SH3PXD2A: variants seen among roughly 807,000 people sequenced by gnomAD.
The protein encoded by SH3PXD2A is SH3 and PX domains 2A.
In SH3PXD2A, 32 loss-of-function variants were observed where a neutral mutation model predicts 115.2. That is an observed-to-expected ratio of 0.28 (90% confidence interval 0.21 to 0.37). The LOEUF (loss-of-function observed/expected upper bound fraction) is 0.37, where lower values mean the gene tolerates loss of function less well. Among genes scored for constraint, SH3PXD2A ranks in the 10% least tolerant of loss-of-function variants. SH3PXD2A has a pLI of 1.00. For missense variants in SH3PXD2A, 1,328 were observed against 1,498.7 expected (o/e 0.89, Z 1.88); for synonymous variants, 610 against 629.1 (o/e 0.97, Z 0.45).
chr10:103,661,828 G>A (rs1208666322), intron 7 of SH3PXD2A: 3 of 985,046 alleles, frequency 3.0e-6, no homozygotes, highest in Non-Finnish European at 3.6e-6. Flanking sequence ...TGGAGGCAGG[G>A]GAGGGGGAGG....
intron 8 of SH3PXD2A, among the ~76,000 whole-genome samples, chr10:103,634,381 G>A (rs766612710): frequency 3.5e-4 from 53 of 152,232 alleles, no homozygotes; most frequent in Non-Finnish European, 6.8e-4. Context: ...TGAGCAGGGC[G>A]GTCTGTGTTA....
intron 9 of SH3PXD2A, 87 bp from the exon 10 acceptor site, chr10:103,622,640 A>C (rs2036624941): frequency 6.0e-6 from 3 of 499,552 alleles, no homozygotes; most frequent in Non-Finnish European, 1.2e-5. Flanking sequence ...TGGGGGTGGG[A>C]GGAAGGGGCA....
At chr10:103,771,070 G>A (rs1377623500) in intron 2 of SH3PXD2A, among the ~76,000 whole-genome samples, 2 of 151,938 alleles carry the variant, frequency 1.3e-5, no homozygotes, top group Non-Finnish European at 2.9e-5. Context: ...AGAGATGTCT[G>A]AGGAGAGAGG....
intron 1 of SH3PXD2A, among the ~76,000 whole-genome samples, chr10:103,818,510 G>T (rs927407861): frequency 6.6e-6 from 1 of 152,158 alleles, no homozygotes; most frequent in East Asian, 1.9e-4. Context: ...GAATTGGAAA[G>T]AACTGATTCC....
intron 3 of SH3PXD2A, among the ~76,000 whole-genome samples, chr10:103,738,244 G>A (rs929121045): frequency 1.3e-5 from 2 of 152,232 alleles, no homozygotes; most frequent in Non-Finnish European, 2.9e-5. Context: ...CACTGGCGAC[G>A]CCGCTGTTCC....
chr10:103,841,397 C>A (rs2039596759), intron 1 of SH3PXD2A, among the ~76,000 whole-genome samples: 1 of 152,120 alleles, frequency 6.6e-6, no homozygotes, highest in Admixed American at 6.5e-5. Context: ...GTGTACCCTG[C>A]CTTTGGGGCC....
rs2037372603 is a variant in SH3PXD2A at position 103,665,504 on chromosome 10, T to G, written c.472+3104A>C. ...GGCTATGGCCTCTCTCAGGAGCTGC[T>G]CCAAAGGCTGTGGGATGGACACACG... On this transcript the variant is annotated intron_variant, in intron 7 of 14. Transcript: ENST00000369774. The surrounding 1 kb of genome is among the most constrained non-coding windows in gnomAD (Gnocchi z 4.0). 1.3e-5 allele frequency among the ~76,000 whole-genome samples: 2 copies of G among 152,202 alleles called. No individual in the cohort carries two copies. Among genetic ancestry groups the G allele is most frequent in the Admixed American group, 6.5e-5 (1 of 15,284 alleles).
At chr10:103,801,712 GT>G (rs2039149720) in intron 1 of SH3PXD2A, among the ~76,000 whole-genome samples, 1 of 152,130 alleles carries the variant, frequency 6.6e-6, no homozygotes, top group African/African-American at 2.4e-5. Flanking sequence ...ATTTTTGTTT[GT>G]TTGTTTTTGA....
intron 4 of SH3PXD2A, among the ~76,000 whole-genome samples, chr10:103,733,833 G>A (rs949090851): frequency 2.0e-5 from 3 of 152,020 alleles, no homozygotes; most frequent in East Asian, 1.9e-4. Context: ...GTGCTGTGGC[G>A]TGATCATAGC....
At chr10:103,706,306 C>T (rs565748434) in intron 5 of SH3PXD2A, among the ~76,000 whole-genome samples, 1 of 152,308 alleles carries the variant, frequency 6.6e-6, no homozygotes, top group African/African-American at 2.4e-5. Flanking sequence ...AGTGGCTGGA[C>T]TGGAGGAGCC....
At chr10:103,821,675 C>T (rs2039381807) in intron 1 of SH3PXD2A, among the ~76,000 whole-genome samples, 2 of 152,004 alleles carry the variant, frequency 1.3e-5, no homozygotes, top group African/African-American at 2.4e-5. Flanking sequence ...GCCTCAGCTC[C>T]CCTGCCCCCC....
At chr10:103,631,794 T>G (rs1442788193) in intron 8 of SH3PXD2A, among the ~76,000 whole-genome samples, 2 of 152,100 alleles carry the variant, frequency 1.3e-5, no homozygotes. Context: ...AAGCTGAGGC[T>G]CTCACATGGC....
At chr10:103,782,854 A>G (rs1296443244) in intron 2 of SH3PXD2A, among the ~76,000 whole-genome samples, 1 of 151,012 alleles carries the variant, frequency 6.6e-6, no homozygotes, top group Non-Finnish European at 1.5e-5. Context: ...AAAAAAGATA[A>G]TAACAGGTTG....
intron 4 of SH3PXD2A, among the ~76,000 whole-genome samples, chr10:103,734,157 C>G (rs373832154): frequency 6.6e-6 from 1 of 152,140 alleles, no homozygotes; most frequent in African/African-American, 2.4e-5. Context: ...AAGTGGGCAC[C>G]GGGATTCGAC....
Position 103,666,326 on chromosome 10 carries a change from C to G in SH3PXD2A, c.472+2282G>C, listed in dbSNP as rs1274610623. 1.3e-5 allele frequency among the ~76,000 whole-genome samples: 2 copies of G among 152,188 alleles called. No homozygotes were observed. The highest frequency in any genetic ancestry group is 4.1e-4 in the South Asian group (2 of 4,826). ...CAAGTCTGTGCTCTAGCTGCTGCCCCCTGCTGGAATGCTTTCCCTTCTCTC... is the reference window on the plus strand; with the variant it reads ...CAAGTCTGTGCTCTAGCTGCTGCCCGCTGCTGGAATGCTTTCCCTTCTCTC... On this transcript the variant is annotated intron_variant, in intron 7 of 14. Transcript: ENST00000369774. The surrounding 1 kb of genome is among the most constrained non-coding windows in gnomAD (Gnocchi z 4.5).
chr10:103,702,002 C>G (rs2037918143), intron 5 of SH3PXD2A, among the ~76,000 whole-genome samples: 1 of 144,452 alleles, frequency 6.9e-6, no homozygotes, highest in Non-Finnish European at 1.5e-5. Flanking sequence ...ATCCATCCAT[C>G]CATCTATCCA....
At chr10:103,753,317 CAAAA>C (rs60364879) in intron 3 of SH3PXD2A, among the ~76,000 whole-genome samples, 1 of 62,856 alleles carries the variant, frequency 1.6e-5, no homozygotes, top group Non-Finnish European at 2.9e-5. Flanking sequence ...CTGCCTCTAC[CAAAA>C]AAAAAAAAAA....
At chr10:103,639,795 T>A (rs1226161890) in intron 8 of SH3PXD2A, among the ~76,000 whole-genome samples, 1 of 152,050 alleles carries the variant, frequency 6.6e-6, no homozygotes, top group African/African-American at 2.4e-5. Context: ...AACTCTAATG[T>A]CACAACTGTA....
At chr10:103,783,810 A>G (rs2038955261) in intron 2 of SH3PXD2A, among the ~76,000 whole-genome samples, 1 of 152,340 alleles carries the variant, frequency 6.6e-6, no homozygotes, top group East Asian at 1.9e-4. Context: ...AAAGAGAGGA[A>G]TCCCTAGAGC....
Sources: allele counts gnomAD v4.1 joint callset (sites outside exome capture counted in the v4.1 genomes callset), GRCh38; gene constraint gnomAD v4.1.1; non-coding constraint Gnocchi (gnomAD v3.1); transcripts MANE v1.5; gene names NCBI Gene and HGNC (gene_info 2026-07-23, HGNC 2026-07-21).